The following DDX60L variants were observed in gnomAD, a reference collection of about 807,000 sequenced individuals.
DDX60L encodes DExD/H-box 60 like.
In DDX60L, 191 loss-of-function variants were observed where a neutral mutation model predicts 211.6. The ratio of observed to expected loss-of-function variants is 0.90; its 90% CI spans 0.80 to 1.02. The LOEUF (loss-of-function observed/expected upper bound fraction) is 1.02, where lower values mean the gene tolerates loss of function less well. Ranked by LOEUF, DDX60L falls within the 50% of genes least tolerant of loss-of-function variation. DDX60L has a pLI of 0.00. For synonymous variants in DDX60L, 706 were observed against 694.1 expected, an observed-to-expected ratio of 1.02 and a Z score of -0.27; for missense variants, 2,007 against 1,984.1, an observed-to-expected ratio of 1.01 and a Z score of -0.22.
chr4:168,406,645 T>C lies in DDX60L; in HGVS notation c.3041A>G (p.Tyr1014Cys), dbSNP rs770253958. The change falls in exon 23 of 38, where the codon TAT becomes TGT. Residue 1014 changes from tyrosine to cysteine, a missense_variant. Transcript: ENST00000682922. Reference sequence around the variant, plus strand: ...TTCCCAGACTTGAGCCATGGTATCATAAAGCTGGATGCTTTCTTGAGGGGT... The same window carrying C: ...TTCCCAGACTTGAGCCATGGTATCACAAAGCTGGATGCTTTCTTGAGGGGT... ...TLTPQESIQL[Y>C]DTMAQVWETW... is the part of the protein sequence containing the mutation. The C allele has an allele frequency of 1.6e-5, 26 of 1,606,696 alleles. No individual in the cohort carries two copies. Among genetic ancestry groups the C allele is most frequent in the Admixed American group, 1.0e-4 (6 of 59,238 alleles).
chr4:168,388,151 C>T (rs536613397), intron 29 of DDX60L, among the ~76,000 whole-genome samples: 1 of 152,310 alleles, frequency 6.6e-6, no homozygotes, highest in East Asian at 1.9e-4. Context: ...TACAAGAGCA[C>T]ATAACAAGAA....
chr4:168,395,061 A>C (rs908609507), intron 27 of DDX60L, among the ~76,000 whole-genome samples: 1 of 152,178 alleles, frequency 6.6e-6, no homozygotes, highest in Non-Finnish European at 1.5e-5. Context: ...ACCCCTTAAA[A>C]ATGTCCATAC....
At chr4:168,438,227 C>G (rs1279565020) in intron 10 of DDX60L, among the ~76,000 whole-genome samples, 1 of 152,168 alleles carries the variant, frequency 6.6e-6, no homozygotes, top group African/African-American at 2.4e-5. Flanking sequence ...GAAATCATCT[C>G]CAAATCTACC....
At position 168,405,933 on chromosome 4, in the gene DDX60L, GA is replaced by G. The variant is rs1441731583; in HGVS notation, c.3213+16del. On this transcript the variant is annotated intron_variant, in intron 24 of 37. Coordinates refer to ENST00000682922, the MANE Select transcript of DDX60L (RefSeq NM_001012967.3). The stretch of plus-strand genomic sequence containing the variant: ...AACAATTAAGTGAAACTTTGTCCAA[GA>G]AAGTGTGAAAATTACCTTCTTCACT... 3 of 1,551,374 alleles carry G rather than the reference GA, an allele frequency of 1.9e-6. No individual in the cohort carries two copies. Among genetic ancestry groups the G allele is most frequent in the Non-Finnish European group, 2.6e-6 (3 of 1,151,564 alleles).
intron 19 of DDX60L, among the ~76,000 whole-genome samples, chr4:168,418,780 T>A (rs1206453259): frequency 6.6e-6 from 1 of 152,220 alleles, no homozygotes; most frequent in Non-Finnish European, 1.5e-5. Flanking sequence ...GGCCAATGAG[T>A]CTGACCTTGG....
intron 22 of DDX60L, among the ~76,000 whole-genome samples, chr4:168,414,358 A>G (rs1036005990): frequency 2.8e-4 from 42 of 152,194 alleles, no homozygotes; most frequent in Admixed American, 2.1e-3. Flanking sequence ...GTATATCTTC[A>G]GTAGAAAGAC....
At chr4:168,443,314 G>C (rs1039609792) in intron 9 of DDX60L, among the ~76,000 whole-genome samples, 1 of 151,876 alleles carries the variant, frequency 6.6e-6, no homozygotes, top group Non-Finnish European at 1.5e-5. Flanking sequence ...AAGCGAGAAG[G>C]GAAGTTTAGA....
chr4:168,464,355 A>G (rs1269201603), intron 4 of DDX60L, among the ~76,000 whole-genome samples: 2 of 152,162 alleles, frequency 1.3e-5, no homozygotes, highest in African/African-American at 2.4e-5. Context: ...TTAGAAATCA[A>G]TAACACATCT....
At chr4:168,460,139 T>G (rs1374278773) in intron 5 of DDX60L, among the ~76,000 whole-genome samples, 2 of 152,196 alleles carry the variant, frequency 1.3e-5, no homozygotes, top group Non-Finnish European at 2.9e-5. Context: ...TGATAAACTA[T>G]CGAATGGCCT....
Position 168,387,620 on chromosome 4 carries a change from T to C in DDX60L, c.3916-2808A>G, listed in dbSNP as rs375987200. Among the ~76,000 whole-genome samples, 18 of 152,264 alleles carry C rather than the reference T, an allele frequency of 1.2e-4. 1 individual carries two copies. The East Asian group carries it at 2.7e-3, about 23-fold the overall frequency. On this transcript the variant is annotated intron_variant, in intron 29 of 37. Transcript: ENST00000682922. ...TTTGTTAACACTCTTATAATAGCCC[T>C]GGGTAAAGAATGAAGGAAGAAGGAT...
At chr4:168,428,367 T>A (rs1751802771) in intron 13 of DDX60L, among the ~76,000 whole-genome samples, 1 of 152,168 alleles carries the variant, frequency 6.6e-6, no homozygotes, top group South Asian at 2.1e-4. Context: ...TGAGGAGATA[T>A]CCTGTCACTG....
chr4:168,479,165 T>TGG lies in DDX60L; in HGVS notation c.-111+1211_-111+1212insCC, dbSNP rs60657312. ...ATGGATGGATGGATGGATGGATGGA[T>TGG]AGAGAGATAGGAGCTATAGACAAAA... On this transcript the variant is annotated intron_variant, in intron 1 of 37. Coordinates refer to ENST00000682922, the MANE Select transcript of DDX60L (RefSeq NM_001012967.3). 6.7e-4 allele frequency among the ~76,000 whole-genome samples: 52 copies of TGG among 78,042 alleles called. 1 individual carries two copies. Among genetic ancestry groups the TGG allele is most frequent in the African/African-American group, 1.4e-3 (47 of 33,006 alleles). 51.2% of individuals were successfully genotyped at this position (78,042 alleles called of 152,430 possible).
intron 1 of DDX60L, among the ~76,000 whole-genome samples, chr4:168,479,122 TGATGGATGGATG>T (rs35832532): frequency 0.12 from 17,518 of 141,822 alleles, 1,342 homozygotes; most frequent in Non-Finnish European, 0.17. Flanking sequence ...GATGGCTGGA[TGATGGATGGATG>T]GATGGATGGA....
chr4:168,400,379 C>T (rs1360526102), intron 26 of DDX60L, among the ~76,000 whole-genome samples: 2 of 152,114 alleles, frequency 1.3e-5, no homozygotes, highest in Admixed American at 6.5e-5. Context: ...TGGGTAGACG[C>T]CCAGCAATGG....
Position 168,358,241 on chromosome 4 carries a change from T to C in DDX60L, c.5027A>G (p.Asp1676Gly). The stretch of plus-strand genomic sequence containing the variant: ...TTGTTTAAATGCCAGGACTACATTG[T>C]CACGCTTATTTTCACATAGTTCACT... Reference protein sequence around the residue: ...SLSELCENKRDNVVLAFKQLS... With the variant: ...SLSELCENKRGNVVLAFKQLS... Residue 1676 changes from aspartate (D) to glycine (G), a missense_variant, in exon 38 of 38, where the codon GAC (aspartate) becomes GGC (glycine). Transcript: ENST00000682922. 6.2e-7 allele frequency: 1 copy of C among 1,600,700 alleles called. No homozygotes were observed. Among genetic ancestry groups the C allele is most frequent in the Non-Finnish European group, 8.5e-7 (1 of 1,173,676 alleles).
intron 4 of DDX60L, among the ~76,000 whole-genome samples, chr4:168,465,271 GT>G (rs1256288173): frequency 1.3e-5 from 2 of 151,872 alleles, no homozygotes; most frequent in East Asian, 3.9e-4. Context: ...TCATACATGT[GT>G]TGGCTATTTG....
intron 6 of DDX60L, 142 bp from the exon 7 acceptor site, chr4:168,456,294 G>T: frequency 2.3e-6 from 1 of 434,324 alleles, no homozygotes. Context: ...GTTTAAAAAT[G>T]TATGATCATT....
At chr4:168,445,744 T>C (rs1754682426) in intron 9 of DDX60L, among the ~76,000 whole-genome samples, 1 of 149,112 alleles carries the variant, frequency 6.7e-6, no homozygotes, top group Non-Finnish European at 1.5e-5. Flanking sequence ...TCAATAAATG[T>C]AATCCAGCAT....
At chr4:168,429,826 T>C (rs1752061601) in intron 13 of DDX60L, among the ~76,000 whole-genome samples, 1 of 152,202 alleles carries the variant, frequency 6.6e-6, no homozygotes, top group Non-Finnish European at 1.5e-5. Flanking sequence ...TTTAAAAGTA[T>C]GTAGCACCTC....
Sources: gnomAD v4.1 joint callset for allele counts (sites outside exome capture counted in the v4.1 genomes callset) on GRCh38, gnomAD v4.1.1 for gene constraint, MANE v1.5 for transcripts, NCBI Gene and HGNC (gene_info 2026-07-23, HGNC 2026-07-21) for gene names.